The following AGMO variants were observed in gnomAD, a reference collection of about 807,000 sequenced individuals.
The protein encoded by AGMO is glyceryl-ether monooxygenase.
A neutral mutation model predicts 60.2 loss-of-function variants in AGMO; 75 were observed. The ratio of observed to expected loss-of-function variants is 1.25; its 90% CI spans 1.03 to 1.51. The LOEUF is 1.51. AGMO is among the 40% of genes most tolerant of loss of function. The probability of loss-of-function intolerance (pLI) is 0.00; values close to 1 mark genes in which losing one functional copy is unlikely to be tolerated. For missense variants in AGMO, 763 were observed against 525.5 expected, an observed-to-expected ratio of 1.45 and a Z score of -4.42; for synonymous variants, 261 against 177.1, an observed-to-expected ratio of 1.47 and a Z score of -3.76.
At chr7:15,205,738 A>G (rs1349823654) in intron 12 of AGMO, among the ~76,000 whole-genome samples, 1 of 152,140 alleles carries the variant, frequency 6.6e-6, no homozygotes, top group Non-Finnish European at 1.5e-5. Context: ...AGCCAAATAT[A>G]GGTTTATATA....
chr7:15,465,522 A>C (rs540643757), intron 3 of AGMO, among the ~76,000 whole-genome samples: 27 of 150,820 alleles, frequency 1.8e-4, no homozygotes, highest in Non-Finnish European at 3.1e-4. Flanking sequence ...TCTGGGGCTC[A>C]AGCAATTCTC....
chr7:15,165,162 CG>C, the AGMO span, among the ~76,000 whole-genome samples: 1 of 151,908 alleles, frequency 6.6e-6, no homozygotes, highest in Non-Finnish European at 1.5e-5. Flanking sequence ...TTCTCACTTA[CG>C]GGGGGAGCTA....
intron 3 of AGMO, among the ~76,000 whole-genome samples, chr7:15,533,244 C>A (rs1375200909): frequency 6.6e-6 from 1 of 151,910 alleles, no homozygotes; most frequent in Non-Finnish European, 1.5e-5. Flanking sequence ...TGTATTTATT[C>A]TTATTTATCT....
chr7:15,342,173 A>T lies in AGMO; in HGVS notation c.1263+23341T>A, dbSNP rs796665838. 1.5e-4 allele frequency among the ~76,000 whole-genome samples: 9 copies of T among 59,042 alleles called. No homozygotes were observed. The East Asian group carries it at 2.1e-3, about 14-fold the overall frequency. The allele number at this position is 59,042 out of a possible 152,430, so 38.7% of individuals were successfully genotyped here. On this transcript the variant is annotated intron_variant, in intron 12 of 12. Coordinates refer to ENST00000342526, the MANE Select transcript of AGMO (RefSeq NM_001004320.2). ...GCTGAGAGTAGATACCCACAGAGTT[A>T]AAAAAAAAAAAAAAAAAAAAAAAGG... is the stretch of plus-strand genomic sequence containing the variant.
chr7:15,387,418 T>C lies in AGMO; in HGVS notation c.945A>G (p.Glu315=), dbSNP rs774006227. The change falls in exon 9 of 13, where the codon GAA becomes GAG. Residue 315 remains glutamate (E), a synonymous_variant. Coordinates refer to ENST00000342526, the MANE Select transcript of AGMO (RefSeq NM_001004320.2). Reference sequence around the variant, plus strand: ...GAACTCTATTTACCTCTGGAATTTCTTCACTGAGACCAAGTCTTGGTTTAC... The same window carrying C: ...GAACTCTATTTACCTCTGGAATTTCCTCACTGAGACCAAGTCTTGGTTTAC... ...GPGKPRLGLS[E]EIPEVTGKEV... is the part of the protein sequence containing the mutation. The C allele has an allele frequency of 6.2e-7, 1 of 1,612,938 alleles. No homozygotes were observed. Among genetic ancestry groups the C allele is most frequent in the Non-Finnish European group, 8.5e-7 (1 of 1,179,734 alleles).
At chr7:15,315,210 G>C (rs1780882264) in intron 12 of AGMO, among the ~76,000 whole-genome samples, 1 of 151,420 alleles carries the variant, frequency 6.6e-6, no homozygotes, top group South Asian at 2.1e-4. Context: ...GTTATTGCAA[G>C]GTACTAAGTT....
the AGMO span, among the ~76,000 whole-genome samples, chr7:15,149,560 G>C: frequency 6.6e-6 from 1 of 152,022 alleles, no homozygotes; most frequent in Non-Finnish European, 1.5e-5. Flanking sequence ...ACCGTTTATT[G>C]ACTAGGGAGT....
At chr7:15,381,301 A>C (rs533162680) in intron 10 of AGMO, among the ~76,000 whole-genome samples, 1 of 152,316 alleles carries the variant, frequency 6.6e-6, no homozygotes, top group Admixed American at 6.5e-5. Flanking sequence ...TATAATATCA[A>C]GCATCTATAG....
At chr7:15,482,887 G>C (rs935406524) in intron 3 of AGMO, among the ~76,000 whole-genome samples, 1 of 152,128 alleles carries the variant, frequency 6.6e-6, no homozygotes, top group African/African-American at 2.4e-5. Context: ...AATAATATAA[G>C]CATGTCAATA....
intron 3 of AGMO, among the ~76,000 whole-genome samples, chr7:15,439,837 G>C (rs1051507189): frequency 8.5e-5 from 13 of 152,250 alleles, no homozygotes; most frequent in Admixed American, 8.5e-4. Context: ...GATCAAGGAG[G>C]AAGAGCAAGA....
rs559168383 is a variant in AGMO at position 15,395,239 on chromosome 7, T to C, written c.610-1060A>G. Among the ~76,000 whole-genome samples, 8 of 152,272 alleles carry C rather than the reference T, an allele frequency of 5.3e-5. No homozygotes were observed. The South Asian group carries it at 1.2e-3, about 24-fold the overall frequency. Reference sequence around the variant, plus strand: ...GGAGGACATATGAGGAATAAAGAAATGAGTTAAATGATGCGAAAGGGCAAA... The same window carrying C: ...GGAGGACATATGAGGAATAAAGAAACGAGTTAAATGATGCGAAAGGGCAAA... On this transcript the variant is annotated intron_variant, in intron 5 of 12. Coordinates refer to ENST00000342526, the MANE Select transcript of AGMO (RefSeq NM_001004320.2).
intron 12 of AGMO, among the ~76,000 whole-genome samples, chr7:15,241,607 T>G (rs1161622454): frequency 6.6e-6 from 1 of 151,876 alleles, no homozygotes; most frequent in African/African-American, 2.4e-5. Flanking sequence ...GGAAGACAAC[T>G]GACATGATGA....
chr7:15,506,961 C>T (rs1783526719), intron 3 of AGMO, among the ~76,000 whole-genome samples: 1 of 151,882 alleles, frequency 6.6e-6, no homozygotes, highest in African/African-American at 2.4e-5. Context: ...ATTGTGGTCT[C>T]ATGTACCAAA....
intron 6 of AGMO, among the ~76,000 whole-genome samples, chr7:15,393,617 C>T (rs565437157): frequency 6.6e-6 from 1 of 152,236 alleles, no homozygotes; most frequent in East Asian, 1.9e-4. Flanking sequence ...GCACTTGTCA[C>T]TTGGGATTTT....
At chr7:15,344,021 T>C (rs574501495) in intron 12 of AGMO, among the ~76,000 whole-genome samples, 13 of 152,280 alleles carry the variant, frequency 8.5e-5, no homozygotes, top group Admixed American at 4.6e-4. Context: ...TTTACAGATT[T>C]TGGAACTTAA....
chr7:15,286,589 G>C (rs1160856743), intron 12 of AGMO, among the ~76,000 whole-genome samples: 1 of 152,016 alleles, frequency 6.6e-6, no homozygotes, highest in African/African-American at 2.4e-5. Context: ...TGTTTGTGCA[G>C]GTATGGTGAA....
chr7:15,388,993 C>A (rs1483171235), intron 8 of AGMO, among the ~76,000 whole-genome samples: 1 of 152,174 alleles, frequency 6.6e-6, no homozygotes, highest in Non-Finnish European at 1.5e-5. Flanking sequence ...TTTCTGACCA[C>A]CATTCCTCTC....
chr7:15,472,586 C>T (rs1583587441), intron 3 of AGMO, among the ~76,000 whole-genome samples: 1 of 151,812 alleles, frequency 6.6e-6, no homozygotes, highest in Non-Finnish European at 1.5e-5. Context: ...AACACACAGA[C>T]GTGCTGTAAA....
chr7:15,496,761 A>G lies in AGMO; in HGVS notation c.409+48011T>C, dbSNP rs190648534. The stretch of plus-strand genomic sequence containing the variant: ...ATTGGTTACATACATGTTTTTAAAA[A>G]TCTTACTTCAATTGGTCAGAAATTG... On this transcript the variant is annotated intron_variant, in intron 3 of 12. Transcript: ENST00000342526. Among the ~76,000 whole-genome samples the G allele has an allele frequency of 2.4e-3, 358 of 152,258 alleles. 2 individuals carry two copies. Among genetic ancestry groups the G allele is most frequent in the African/African-American group, 7.8e-3 (325 of 41,562 alleles).
Sources: allele counts gnomAD v4.1 joint callset (sites outside exome capture counted in the v4.1 genomes callset), GRCh38; gene constraint gnomAD v4.1.1; transcripts MANE v1.5; gene names NCBI Gene and HGNC (gene_info 2026-07-23, HGNC 2026-07-21).